ABLIM2: variants seen among roughly 807,000 people sequenced by gnomAD.
ABLIM2 encodes the protein actin-binding LIM protein 2.
ABLIM2 carries 53 observed loss-of-function variants against 97.7 expected under a neutral mutation model. The ratio of observed to expected loss-of-function variants is 0.54; its 90% CI spans 0.44 to 0.68. The LOEUF (loss-of-function observed/expected upper bound fraction) is 0.68. ABLIM2 is among the 30% of genes least tolerant of loss of function. The pLI is 0.00. For missense variants in ABLIM2, 835 were observed against 867.2 expected, an observed-to-expected ratio of 0.96 and a Z score of 0.47; for synonymous variants, 361 against 345.8, an observed-to-expected ratio of 1.04 and a Z score of -0.49.
chr4:8,158,581 TC>T (rs1285538903), intron 1 of ABLIM2, 98 bp downstream of exon 1: 21 of 1,399,908 alleles, frequency 1.5e-5, no homozygotes, highest in South Asian at 2.6e-5. Flanking sequence ...TGGGTGATTT[TC>T]CCCGGCGTTG....
At chr4:7,968,342 G>A (rs1724704577) in intron 20 of ABLIM2, among the ~76,000 whole-genome samples, 1 of 152,242 alleles carries the variant, frequency 6.6e-6, no homozygotes, top group South Asian at 2.1e-4. Context: ...GACACCCGGA[G>A]GAATGGAAAA....
chr4:7,967,038 C>T lies in ABLIM2; in HGVS notation c.1890G>A (p.Leu630=), dbSNP rs747570010. 1 of 1,613,936 alleles carries T rather than the reference C, an allele frequency of 6.2e-7. No homozygotes were observed. The highest frequency in any genetic ancestry group is 8.5e-7 in the Non-Finnish European group (1 of 1,179,970). ...FGMSIEEFDR[L]ALWKRNDLKK... is the part of the protein sequence containing the mutation. ...TAAGGTCATTCCTCTTCCAGAGGGCCAGGCGGTCAAACTCCTCGATGCTCA... is the reference window on the plus strand; with the variant it reads ...TAAGGTCATTCCTCTTCCAGAGGGCTAGGCGGTCAAACTCCTCGATGCTCA... The change falls in exon 21 of 21, where the codon CTG becomes CTA. Residue 630 remains leucine, a synonymous_variant. Coordinates refer to ENST00000447017, the MANE Select transcript of ABLIM2 (RefSeq NM_001130083.2).
chr4:8,019,905 C>T lies in ABLIM2; in HGVS notation c.1370-234G>A, dbSNP rs1279810880. ...GGCAGCAGCCAGGAACCTTGTGGTCCCCCGGGAAGTGTAGCCAGCTCAGAC... is the reference window on the plus strand; with the variant it reads ...GGCAGCAGCCAGGAACCTTGTGGTCTCCCGGGAAGTGTAGCCAGCTCAGAC... On this transcript the variant is annotated intron_variant, in intron 13 of 20. Coordinates refer to ENST00000447017, the MANE Select transcript of ABLIM2 (RefSeq NM_001130083.2). The surrounding 1 kb of genome is among the most constrained non-coding windows in gnomAD (Gnocchi z 4.3). Among the ~76,000 whole-genome samples, 1 of 152,114 alleles carries T rather than the reference C, an allele frequency of 6.6e-6. No homozygotes were observed. The highest frequency in any genetic ancestry group is 2.4e-5 in the African/African-American group (1 of 41,422).
intron 1 of ABLIM2, among the ~76,000 whole-genome samples, chr4:8,144,464 A>G (rs2152950615): frequency 6.6e-6 from 1 of 152,338 alleles, no homozygotes; most frequent in East Asian, 1.9e-4. Flanking sequence ...CGCAGACAGC[A>G]CATAAAATGA....
At chr4:8,024,899 G>C (rs1776326409) in intron 12 of ABLIM2, among the ~76,000 whole-genome samples, 1 of 152,212 alleles carries the variant, frequency 6.6e-6, no homozygotes, top group Non-Finnish European at 1.5e-5. Flanking sequence ...AGACACCAGA[G>C]AGGTGGCCAG....
chr4:7,983,076 A>G (rs1740123544), intron 20 of ABLIM2, among the ~76,000 whole-genome samples, 188 bp downstream of exon 20: 1 of 152,184 alleles, frequency 6.6e-6, no homozygotes, highest in Non-Finnish European at 1.5e-5. Flanking sequence ...CAAAGCCATC[A>G]AGGCTGGGGA....
intron 7 of ABLIM2, among the ~76,000 whole-genome samples, chr4:8,056,886 C>A (rs547407040): frequency 7.6e-6 from 1 of 130,846 alleles, no homozygotes; most frequent in African/African-American, 2.9e-5. Context: ...GAGCCAAGAT[C>A]GCACCACTGC....
intron 20 of ABLIM2, among the ~76,000 whole-genome samples, chr4:7,978,490 G>A (rs1735374435): frequency 6.6e-6 from 1 of 152,212 alleles, no homozygotes; most frequent in African/African-American, 2.4e-5. Flanking sequence ...GCATACTACA[G>A]TTCCAAGAGG....
intron 2 of ABLIM2, among the ~76,000 whole-genome samples, chr4:8,101,903 G>A (rs184309292): frequency 6.6e-6 from 1 of 152,198 alleles, no homozygotes; most frequent in Admixed American, 6.5e-5. Flanking sequence ...TGTAGAGTAA[G>A]GACAGAGCCA....
chr4:8,131,470 G>A (rs1289637220), intron 1 of ABLIM2, among the ~76,000 whole-genome samples: 2 of 152,184 alleles, frequency 1.3e-5, no homozygotes, highest in Non-Finnish European at 2.9e-5. Flanking sequence ...GGACCGGGAC[G>A]AGAACTATGA....
At chr4:8,096,172 C>T (rs1213309116) in intron 3 of ABLIM2, among the ~76,000 whole-genome samples, 1 of 152,202 alleles carries the variant, frequency 6.6e-6, no homozygotes, top group African/African-American at 2.4e-5. Context: ...CCTCGCTTAA[C>T]TTGTTCCTTT....
intron 14 of ABLIM2, among the ~76,000 whole-genome samples, chr4:8,009,353 A>G (rs1038445797): frequency 6.6e-5 from 10 of 152,222 alleles, no homozygotes; most frequent in African/African-American, 2.4e-4. Flanking sequence ...ACACCCACAC[A>G]GAGTAATGTT....
Position 7,998,525 on chromosome 4 carries a change from G to C in ABLIM2, c.1619-5598C>G, listed in dbSNP as rs961179983. 1 of 447,564 alleles carries C rather than the reference G, an allele frequency of 2.2e-6. No individual in the cohort carries two copies. The allele number at this position is 447,564 out of a possible 1,614,324, so 27.7% of individuals were successfully genotyped here. ...TGCCCTTCTTGGGGTGTCCTGTGTC[G>C]CTGGGTGGGGGTGGGAGATGCCTGC... On this transcript the variant is annotated intron_variant, in intron 16 of 20. Transcript: ENST00000447017. This position sits in a 1 kb window ranked among gnomAD's most constrained non-coding sequence, Gnocchi z 6.4.
intron 12 of ABLIM2, among the ~76,000 whole-genome samples, chr4:8,025,278 C>G (rs943304553): frequency 6.6e-6 from 1 of 152,174 alleles, no homozygotes; most frequent in Non-Finnish European, 1.5e-5. Context: ...GCCGGGGGAA[C>G]CAGGGCAGAG....
chr4:8,110,371 C>A (rs1025400304), intron 1 of ABLIM2, among the ~76,000 whole-genome samples: 1 of 152,102 alleles, frequency 6.6e-6, no homozygotes, highest in Non-Finnish European at 1.5e-5. Flanking sequence ...GGTCAGCTGG[C>A]CTGGGATGCA....
intron 16 of ABLIM2, chr4:8,007,620 G>A (rs1044985037): frequency 3.0e-6 from 3 of 992,014 alleles, no homozygotes; most frequent in Middle Eastern, 1.0e-3. Context: ...CTGAGGCTGT[G>A]CCTCGTTCAG....
Position 8,022,182 on chromosome 4 carries a change from T to A in ABLIM2, c.1268-1879A>T, listed in dbSNP as rs1490945865. On this transcript the variant is annotated intron_variant, in intron 12 of 20. Coordinates refer to ENST00000447017, the MANE Select transcript of ABLIM2 (RefSeq NM_001130083.2). The surrounding 1 kb of genome is among the most constrained non-coding windows in gnomAD (Gnocchi z 7.8). ...GGAAGACGGTTTGCTTCAGGCACCA[T>A]CTCTAAGCTGTGTGTGCTCTTGGCA... Among the ~76,000 whole-genome samples, 1 of 152,120 alleles carries A rather than the reference T, an allele frequency of 6.6e-6. No individual in the cohort carries two copies.
intron 6 of ABLIM2, among the ~76,000 whole-genome samples, chr4:8,076,189 A>AT (rs1358146018): frequency 6.6e-6 from 1 of 152,188 alleles, no homozygotes; most frequent in African/African-American, 2.4e-5. Flanking sequence ...GGGTGTGGCC[A>AT]CCCGTCTCCC....
At position 8,149,927 on chromosome 4, in the gene ABLIM2, G is replaced by A. The variant is rs1176151728; in HGVS notation, c.10+8753C>T. Among the ~76,000 whole-genome samples the A allele has an allele frequency of 2.0e-5, 3 of 151,994 alleles. No homozygotes were observed. The highest frequency in any genetic ancestry group is 2.9e-5 in the Non-Finnish European group (2 of 67,996). On this transcript the variant is annotated intron_variant, in intron 1 of 20. Coordinates refer to ENST00000447017, the MANE Select transcript of ABLIM2 (RefSeq NM_001130083.2). This position sits in a 1 kb window ranked among gnomAD's most constrained non-coding sequence, Gnocchi z 6.4. ...GGACTGAGTCCCCACTTGCCAGAGT[G>A]GTGGCCCCCATCCAAATGCCCCCTC...
Sources: allele counts gnomAD v4.1 joint callset (sites outside exome capture counted in the v4.1 genomes callset), GRCh38; gene constraint gnomAD v4.1.1; non-coding constraint Gnocchi (gnomAD v3.1); transcripts MANE v1.5; gene names NCBI Gene and HGNC (gene_info 2026-07-23, HGNC 2026-07-21).